RFWD3: variants seen among roughly 807,000 people sequenced by gnomAD.
RFWD3 encodes the protein E3 ubiquitin-protein ligase RFWD3.
Under a neutral mutation model 87.7 loss-of-function variants are expected in RFWD3, and 65 were observed. That is an observed-to-expected ratio of 0.74 (90% CI 0.61 to 0.91). The LOEUF is 0.91. RFWD3 is among the 40% of genes least tolerant of loss of function. RFWD3 has a pLI of 0.00. For synonymous variants in RFWD3, 433 were observed against 352.8 expected (o/e 1.23, Z -2.55); for missense variants, 1,078 against 938.5 (o/e 1.15, Z -1.94).
chr16:74,640,149 T>A (rs1468852065), intron 6 of RFWD3, among the ~76,000 whole-genome samples: 2 of 151,492 alleles, frequency 1.3e-5, no homozygotes, highest in Admixed American at 1.3e-4. Flanking sequence ...AACTTAATTT[T>A]TTTTTTTTTT....
intron 6 of RFWD3, among the ~76,000 whole-genome samples, chr16:74,641,270 C>T (rs1346531607): frequency 6.6e-6 from 1 of 152,094 alleles, no homozygotes; most frequent in Non-Finnish European, 1.5e-5. Flanking sequence ...TCAAGCTATC[C>T]TCCTGCCTCA....
chr16:74,628,769 T>A, intron 10 of RFWD3, 103 bp from the exon 11 acceptor site: 1 of 922,420 alleles, frequency 1.1e-6, no homozygotes, highest in Non-Finnish European at 1.7e-6. Flanking sequence ...CAGAGGAGGT[T>A]AAACGCCTTT....
intron 2 of RFWD3, 69 bp downstream of exon 2, chr16:74,660,863 A>C: frequency 6.6e-7 from 1 of 1,517,636 alleles, no homozygotes; most frequent in Non-Finnish European, 8.9e-7. Flanking sequence ...CAGTCCTTGA[A>C]TGGCAGAGCC....
chr16:74,630,694 G>C lies in RFWD3; in HGVS notation c.1754+87C>G, dbSNP rs567529673. 5.0e-5 allele frequency: 59 copies of C among 1,191,878 alleles called. No individual in the cohort carries two copies. The African/African-American group carries it at 8.9e-4, about 18-fold the overall frequency. 73.8% of individuals were successfully genotyped at this position (1,191,878 alleles called of 1,614,324 possible). A position where few individuals can be genotyped will look rare whatever the true frequency, so the allele number is the denominator to read the frequency against. On this transcript the variant is annotated intron_variant, in intron 10 of 12. Coordinates refer to ENST00000361070, the MANE Select transcript of RFWD3 (RefSeq NM_018124.4). ...AATTTGTGAGGATTTCTGACTAACTGTGGAACACCCACTGAAGAGACGATT... is the reference window on the plus strand; with the variant it reads ...AATTTGTGAGGATTTCTGACTAACTCTGGAACACCCACTGAAGAGACGATT...
At chr16:74,642,251 T>C (rs918287858) in intron 6 of RFWD3, among the ~76,000 whole-genome samples, 10 of 151,322 alleles carry the variant, frequency 6.6e-5, no homozygotes, top group Non-Finnish European at 1.5e-4. Flanking sequence ...GCCTCCCGAG[T>C]TGCTGGCATT....
chr16:74,655,158 A>T (rs1231861083), intron 2 of RFWD3, among the ~76,000 whole-genome samples: 1 of 152,200 alleles, frequency 6.6e-6, no homozygotes, highest in Admixed American at 6.5e-5. Context: ...AGCTACAGAG[A>T]AGTCAATGCC....
At chr16:74,628,779 T>A (rs558461282) in intron 10 of RFWD3, 113 bp from the exon 11 acceptor site, 2 of 805,628 alleles carry the variant, frequency 2.5e-6, no homozygotes, top group Admixed American at 4.6e-5. Context: ...TAAACGCCTT[T>A]AGTCACTATC....
rs1372125090 is a variant in RFWD3 at position 74,621,720 on chromosome 16, G to A, written c.*2208C>T. The A allele has an allele frequency of 1.3e-5, 2 of 151,046 alleles. No individual in the cohort carries two copies. The highest frequency in any genetic ancestry group is 2.9e-5 in the Non-Finnish European group (2 of 67,934). The allele number at this position is 151,046 out of a possible 1,614,324, so 9.4% of individuals were successfully genotyped here. A position where few individuals can be genotyped will look rare whatever the true frequency, so the allele number is the denominator to read the frequency against. On this transcript the variant is annotated 3_prime_UTR_variant, in exon 13 of 13. Transcript: ENST00000361070. The stretch of plus-strand genomic sequence containing the variant: ...GTTTGTTTGTTTTTTTTGAGATGGA[G>A]TCTTGCTCTGTCACCGAGGCTGGAG...
chr16:74,659,413 A>G (rs971445441), intron 2 of RFWD3, among the ~76,000 whole-genome samples: 5 of 152,116 alleles, frequency 3.3e-5, no homozygotes, highest in Admixed American at 1.3e-4. Flanking sequence ...CTGCCTTTAT[A>G]ACGTGAGTAA....
Position 74,623,041 on chromosome 16 carries a change from G to T in RFWD3, c.*887C>A. The T allele has an allele frequency of 6.6e-6, 1 of 152,216 alleles. No homozygotes were observed. The highest frequency in any genetic ancestry group is 1.9e-4 in the East Asian group (1 of 5,180). 9.4% of individuals were successfully genotyped at this position (152,216 alleles called of 1,614,324 possible). ...TTTTCTCCTGATCTCTGACACTAGG[G>T]GAGACTCAAGTAAAAGCTTTGACCT... On this transcript the variant is annotated 3_prime_UTR_variant, in exon 13 of 13. Coordinates refer to ENST00000361070, the MANE Select transcript of RFWD3 (RefSeq NM_018124.4).
intron 6 of RFWD3, among the ~76,000 whole-genome samples, chr16:74,640,403 C>T (rs962226946): frequency 1.3e-5 from 2 of 152,096 alleles, no homozygotes; most frequent in East Asian, 3.9e-4. Flanking sequence ...CTCAGCCTCC[C>T]AAAGTGCTGG....
chr16:74,655,267 T>C (rs887559382), intron 2 of RFWD3, among the ~76,000 whole-genome samples: 1 of 150,938 alleles, frequency 6.6e-6, no homozygotes, highest in African/African-American at 2.4e-5. Flanking sequence ...TGAGACAGAG[T>C]CTCACTTTGT....
At chr16:74,645,740 A>ATTTTCT in intron 4 of RFWD3, among the ~76,000 whole-genome samples, 1 of 104,630 alleles carries the variant, frequency 9.6e-6, no homozygotes, top group African/African-American at 3.6e-5. Context: ...AGTCACAAAT[A>ATTTTCT]TTTTCTTTTT....
chr16:74,662,231 GGAC>G (rs1303688777), intron 1 of RFWD3, among the ~76,000 whole-genome samples: 1 of 152,004 alleles, frequency 6.6e-6, no homozygotes, highest in Non-Finnish European at 1.5e-5. Context: ...TCATGCATCA[GGAC>G]AACAGGACTG....
At chr16:74,645,745 C>CTTTTTTTTTT (rs71376293) in intron 4 of RFWD3, among the ~76,000 whole-genome samples, 1 of 74,210 alleles carries the variant, frequency 1.3e-5, no homozygotes. Flanking sequence ...CAAATATTTT[C>CTTTTTTTTTT]TTTTTTTTTT....
intron 4 of RFWD3, 31 bp downstream of exon 4, chr16:74,649,101 A>G (rs1567580596): frequency 7.0e-7 from 1 of 1,434,170 alleles, no homozygotes; most frequent in Non-Finnish European, 9.6e-7. Flanking sequence ...AAATAAATAA[A>G]TAGATTTTTT....
chr16:74,650,926 T>C (rs551274636), intron 3 of RFWD3, among the ~76,000 whole-genome samples: 1 of 152,122 alleles, frequency 6.6e-6, no homozygotes, highest in Non-Finnish European at 1.5e-5. Flanking sequence ...CTTCATCAAC[T>C]ATCTGATTGT....
At chr16:74,657,933 A>G (rs758278041) in intron 2 of RFWD3, among the ~76,000 whole-genome samples, 24 of 152,202 alleles carry the variant, frequency 1.6e-4, no homozygotes, top group African/African-American at 2.4e-4. Flanking sequence ...GTTGACACGT[A>G]TATCAATAGA....
At chr16:74,658,438 A>G (rs1486543935) in intron 2 of RFWD3, among the ~76,000 whole-genome samples, 1 of 152,246 alleles carries the variant, frequency 6.6e-6, no homozygotes, top group Non-Finnish European at 1.5e-5. Flanking sequence ...ACTGTGAGTC[A>G]AAAGCTGTTC....
Sources: gnomAD v4.1 joint callset for allele counts (sites outside exome capture counted in the v4.1 genomes callset) on GRCh38, gnomAD v4.1.1 for gene constraint, MANE v1.5 for transcripts, NCBI Gene and HGNC (gene_info 2026-07-23, HGNC 2026-07-21) for gene names.